The following NTNG1 variants were observed in gnomAD, a reference collection of about 807,000 sequenced individuals.
The protein encoded by NTNG1 is netrin G1.
Under a neutral mutation model 54.0 loss-of-function variants are expected in NTNG1, and 16 were observed. The observed-to-expected ratio is 0.30, with a 90% CI of 0.20 to 0.45. The LOEUF (loss-of-function observed/expected upper bound fraction) is 0.45, where lower values mean the gene tolerates loss of function less well. Ranked by LOEUF, NTNG1 falls within the 20% of genes least tolerant of loss-of-function variation. The probability of loss-of-function intolerance (pLI) is 1.00; values close to 1 mark genes in which losing one functional copy is unlikely to be tolerated. For synonymous variants in NTNG1, 255 were observed against 263.1 expected, an observed-to-expected ratio of 0.97 and a Z score of 0.30; for missense variants, 530 against 678.7, an observed-to-expected ratio of 0.78 and a Z score of 2.43.
intron 2 of NTNG1, among the ~76,000 whole-genome samples, chr1:107,265,327 A>G (rs1283024981): frequency 7.8e-6 from 1 of 128,344 alleles, no homozygotes; most frequent in African/African-American, 4.4e-5. Context: ...ACTTTGCCAG[A>G]AAAAAAAAAA....
At chr1:107,412,936 T>A (rs1287047490) in intron 5 of NTNG1, among the ~76,000 whole-genome samples, 1 of 152,108 alleles carries the variant, frequency 6.6e-6, no homozygotes, top group African/African-American at 2.4e-5. Context: ...TATAACAAAA[T>A]AAAATTCGAT....
intron 2 of NTNG1, among the ~76,000 whole-genome samples, chr1:107,186,032 C>T (rs1657436219): frequency 6.6e-6 from 1 of 152,146 alleles, no homozygotes; most frequent in African/African-American, 2.4e-5. Context: ...CGCCCACCCT[C>T]CCACTCTTCA....
chr1:107,359,482 T>A (rs1670135847), intron 3 of NTNG1, among the ~76,000 whole-genome samples: 1 of 152,184 alleles, frequency 6.6e-6, no homozygotes, highest in Non-Finnish European at 1.5e-5. Context: ...AAAGGCTTTA[T>A]AGCTTCATTA....
intron 2 of NTNG1, among the ~76,000 whole-genome samples, chr1:107,307,635 A>G (rs1306312312): frequency 6.6e-6 from 1 of 152,252 alleles, no homozygotes; most frequent in Non-Finnish European, 1.5e-5. Flanking sequence ...ATATTTCCCA[A>G]TAGAAAAATT....
chr1:107,258,382 CTCAG>C (rs918596485), intron 2 of NTNG1, among the ~76,000 whole-genome samples: 79 of 151,562 alleles, frequency 5.2e-4, no homozygotes, highest in African/African-American at 1.6e-3. Flanking sequence ...ACTTTATCTA[CTCAG>C]ACAAGTGACC....
chr1:107,357,575 A>C (rs1338231506), intron 3 of NTNG1, among the ~76,000 whole-genome samples: 1 of 152,262 alleles, frequency 6.6e-6, no homozygotes, highest in East Asian at 1.9e-4. Context: ...TGATAGAAAT[A>C]GTTGAGAAAT....
At chr1:107,227,872 A>G (rs915999938) in intron 2 of NTNG1, among the ~76,000 whole-genome samples, 2 of 152,164 alleles carry the variant, frequency 1.3e-5, no homozygotes, top group African/African-American at 4.8e-5. Flanking sequence ...TCATTGTGAA[A>G]TGATGTTTTA....
intron 3 of NTNG1, among the ~76,000 whole-genome samples, chr1:107,354,468 CAAAAAAAAAAAAAAA>C (rs398049560): frequency 1.5e-5 from 1 of 66,126 alleles, no homozygotes; most frequent in Non-Finnish European, 2.6e-5. Context: ...GACTCCATCT[CAAAAAAAAAAAAAAA>C]AAAAAAAAAG....
chr1:107,367,553 C>G (rs777098130), intron 3 of NTNG1, among the ~76,000 whole-genome samples: 21 of 152,088 alleles, frequency 1.4e-4, no homozygotes, highest in Admixed American at 1.2e-3. Flanking sequence ...CCTGTTGCAT[C>G]TTGGCAAGCC....
intron 2 of NTNG1, among the ~76,000 whole-genome samples, chr1:107,231,319 G>C (rs1188165696): frequency 2.0e-5 from 3 of 152,302 alleles, no homozygotes; most frequent in East Asian, 3.9e-4. Flanking sequence ...ACTGGATGTA[G>C]CCTCTGCACT....
chr1:107,483,960 C>A lies in NTNG1; in HGVS notation c.*3120C>A, dbSNP rs551948714. Among the ~76,000 whole-genome samples the A allele has an allele frequency of 3.3e-5, 5 of 152,256 alleles. No homozygotes were observed. Among genetic ancestry groups the A allele is most frequent in the Non-Finnish European group, 7.4e-5 (5 of 68,018 alleles). ...TTAGTCCAGCAAAGAGGGGACCTTGCTTAGAGAGACCCATTCTGACTCTCC... is the reference window on the plus strand; with the variant it reads ...TTAGTCCAGCAAAGAGGGGACCTTGATTAGAGAGACCCATTCTGACTCTCC... On this transcript the variant is annotated 3_prime_UTR_variant, in exon 8 of 8. Coordinates refer to ENST00000370068, the MANE Select transcript of NTNG1 (RefSeq NM_001113226.3).
intron 2 of NTNG1, among the ~76,000 whole-genome samples, chr1:107,323,450 A>G (rs1667767751): frequency 1.3e-5 from 2 of 152,154 alleles, no homozygotes; most frequent in Non-Finnish European, 2.9e-5. Context: ...TGTTAAAGGT[A>G]GAATAATAAT....
rs866984126 is a variant in NTNG1, at chr1:107,323,614, A to C, written c.247-668A>C. On this transcript the variant is annotated intron_variant, in intron 2 of 7. Coordinates refer to ENST00000370068, the MANE Select transcript of NTNG1 (RefSeq NM_001113226.3). The stretch of plus-strand genomic sequence containing the variant: ...ACTCCCAGCCCCAAGACTTTCCTGA[A>C]CAATCCTTTTATCTCTACCTAATAG... Among the ~76,000 whole-genome samples the C allele has an allele frequency of 1.7e-4, 26 of 152,098 alleles. 2 individuals carry two copies. Among genetic ancestry groups the C allele is most frequent in the South Asian group, 4.1e-4 (2 of 4,834 alleles).
chr1:107,199,679 A>G (rs977562201), intron 2 of NTNG1, among the ~76,000 whole-genome samples: 1 of 151,886 alleles, frequency 6.6e-6, no homozygotes. Context: ...TCATCAGAAA[A>G]TGTTACTAAG....
At chr1:107,352,328 G>C (rs1230718461) in intron 3 of NTNG1, among the ~76,000 whole-genome samples, 2 of 151,800 alleles carry the variant, frequency 1.3e-5, no homozygotes, top group Non-Finnish European at 2.9e-5. Flanking sequence ...GCTTCTGCCT[G>C]GACATTCAGG....
At chr1:107,386,426 G>A (rs1033388261) in intron 3 of NTNG1, among the ~76,000 whole-genome samples, 2 of 151,794 alleles carry the variant, frequency 1.3e-5, no homozygotes, top group Non-Finnish European at 2.9e-5. Flanking sequence ...TGCCTGCCTC[G>A]GCCTCCCAAA....
intron 2 of NTNG1, among the ~76,000 whole-genome samples, chr1:107,242,145 G>A (rs765503385): frequency 4.6e-5 from 7 of 151,802 alleles, no homozygotes; most frequent in African/African-American, 1.7e-4. Context: ...GTGGTGTTGC[G>A]TGCCTGTAGT....
At position 107,346,784 on chromosome 1, in the gene NTNG1, T is replaced by G. The variant is rs1669266548; in HGVS notation, c.887+21862T>G. Among the ~76,000 whole-genome samples, 3 of 151,516 alleles carry G rather than the reference T, an allele frequency of 2.0e-5. No individual in the cohort carries two copies. In the South Asian group the frequency reaches 6.3e-4, roughly 32 times the overall value. Reference sequence around the variant, plus strand: ...CCTATAACAGCCAGGACTTTCTTATTTTGTATATGCATTTGTGAAGAATGT... The same window carrying G: ...CCTATAACAGCCAGGACTTTCTTATGTTGTATATGCATTTGTGAAGAATGT... On this transcript the variant is annotated intron_variant, in intron 3 of 7. Transcript: ENST00000370068.
chr1:107,339,013 A>G (rs1332654139), intron 3 of NTNG1, among the ~76,000 whole-genome samples: 1 of 152,024 alleles, frequency 6.6e-6, no homozygotes, highest in Non-Finnish European at 1.5e-5. Context: ...AGAGCTCTTT[A>G]ACAGCATAGT....
Sources: gnomAD v4.1 joint callset for allele counts (sites outside exome capture counted in the v4.1 genomes callset) on GRCh38, gnomAD v4.1.1 for gene constraint, MANE v1.5 for transcripts, NCBI Gene and HGNC (gene_info 2026-07-23, HGNC 2026-07-21) for gene names.